Variants in SI observed in about 807,000 individuals in gnomAD.
SI encodes sucrase-isomaltase, also known as sucrase-isomaltase, intestinal.
A neutral mutation model predicts 253.3 loss-of-function variants in SI; 235 were observed. The ratio of observed to expected loss-of-function variants is 0.93; its 90% CI spans 0.83 to 1.03. SI has a LOEUF of 1.03. Ranked by LOEUF, SI falls within the 50% of genes least tolerant of loss-of-function variation. The pLI, the probability that SI is intolerant of heterozygous loss-of-function variation, is 0.00. For missense variants in SI, 2,442 were observed against 2,211.1 expected, an observed-to-expected ratio of 1.10 and a Z score of -2.09; for synonymous variants, 819 against 712.0, an observed-to-expected ratio of 1.15 and a Z score of -2.39.
intron 40 of SI, among the ~76,000 whole-genome samples, chr3:164,995,447 T>C (rs1717966278): frequency 1.3e-5 from 2 of 151,872 alleles, no homozygotes; most frequent in Non-Finnish European, 2.9e-5. Context: ...AATTCTAAAC[T>C]ATACAATTCG....
rs1717821902 is a variant in SI, at chr3:164,992,678, G to A, written c.4842-281C>T. Reference sequence around the variant, plus strand: ...AACTAAATGAGAAATTACTTTGGAAGAGAACTAATAGAGGTACAAATATTA... The same window carrying A: ...AACTAAATGAGAAATTACTTTGGAAAAGAACTAATAGAGGTACAAATATTA... On this transcript the variant is annotated intron_variant, in intron 41 of 47. Transcript: ENST00000264382. 4.6e-5 allele frequency among the ~76,000 whole-genome samples: 7 copies of A among 151,924 alleles called. No individual in the cohort carries two copies. The South Asian group carries it at 1.4e-3, about 31-fold the overall frequency.
In SI at chr3:164,986,258, A is replaced by G. The variant is rs186688031; in HGVS notation, c.5197+880T>C. Among the ~76,000 whole-genome samples the G allele has an allele frequency of 1.1e-3, 173 of 152,210 alleles. 1 individual carries two copies. In the South Asian group the frequency reaches 0.021, roughly 18 times the overall value. ...GTCTCTTGCTCCTTACTCTCTAGTGATAGAAACTAGAATTCCTTTTCCCAA... is the reference window on the plus strand; with the variant it reads ...GTCTCTTGCTCCTTACTCTCTAGTGGTAGAAACTAGAATTCCTTTTCCCAA... On this transcript the variant is annotated intron_variant, in intron 45 of 47. Transcript: ENST00000264382.
rs1410461342 is a variant in SI, at chr3:165,055,326, C to T, written c.1399-19G>A. On this transcript the variant is annotated intron_variant, in intron 12 of 47. Transcript: ENST00000264382. ...GCCATACCTAGAAGAATAGATCATTCACATATATACATAAAAAATAGAAAA... is the reference window on the plus strand; with the variant it reads ...GCCATACCTAGAAGAATAGATCATTTACATATATACATAAAAAATAGAAAA... 1 of 1,182,314 alleles carries T rather than the reference C, an allele frequency of 8.5e-7. No homozygotes were observed. The highest frequency in any genetic ancestry group is 1.7e-5 in the Admixed American group (1 of 58,226). 73.2% of individuals were successfully genotyped at this position (1,182,314 alleles called of 1,614,324 possible). A position where few individuals can be genotyped will look rare whatever the true frequency, so the allele number is the denominator to read the frequency against.
At position 165,065,316 on chromosome 3, in the gene SI, T is replaced by A. The variant is rs768888806; in HGVS notation, c.752A>T (p.His251Leu). The A allele has an allele frequency of 1.9e-6, 3 of 1,608,746 alleles. No homozygotes were observed. In the Admixed American group the frequency reaches 5.0e-5, roughly 27 times the overall value. ...TGGCCATGTTTTCCAGGATAAATCA[T>A]GACGAAATCTCTTATGAACTTGTTC... ...IGEQVHKRFR[H>L]DLSWKTWPIF... Residue 251 changes from histidine (H) to leucine (L), a missense_variant, in exon 7 of 48, where the codon CAT (histidine) becomes CTT (leucine). Coordinates refer to ENST00000264382, the MANE Select transcript of SI (RefSeq NM_001041.4).
At position 164,987,186 on chromosome 3, in the gene SI, T is replaced by C. The variant is rs143378401; in HGVS notation, c.5149A>G (p.Asn1717Asp). Residue 1717 changes from asparagine (N) to aspartate (D), a missense_variant, in exon 45 of 48, where the codon AAT (asparagine) becomes GAT (aspartate). Coordinates refer to ENST00000264382, the MANE Select transcript of SI (RefSeq NM_001041.4). Reference sequence around the variant, plus strand: ...AACAGAGAACCCTGTGCCATCTGATTATCATCTGCAGCAACAATGAGCTTC... The same window carrying C: ...AACAGAGAACCCTGTGCCATCTGATCATCATCTGCAGCAACAATGAGCTTC... Reference protein sequence around the residue: ...HMKLIVAADDNQMAQGSLFWD... With the variant: ...HMKLIVAADDDQMAQGSLFWD... 5.0e-6 allele frequency: 8 copies of C among 1,613,796 alleles called. No homozygotes were observed. Among genetic ancestry groups the C allele is most frequent in the Non-Finnish European group, 6.8e-6 (8 of 1,179,794 alleles).
intron 15 of SI, among the ~76,000 whole-genome samples, chr3:165,048,376 A>G (rs12493657): frequency 0.58 from 87,950 of 150,984 alleles, 26,005 homozygotes; most frequent in East Asian, 0.81. Context: ...AGAAAACTAC[A>G]TTTTAATTAA....
At position 164,982,223 on chromosome 3, in the gene SI, T is replaced by C. The variant is rs777037164; in HGVS notation, c.5415+20A>G. 2.2e-5 allele frequency: 35 copies of C among 1,600,648 alleles called. No homozygotes were observed. Among genetic ancestry groups the C allele is most frequent in the Non-Finnish European group, 2.6e-5 (30 of 1,169,314 alleles). On this transcript the variant is annotated intron_variant, in intron 47 of 47. Coordinates refer to ENST00000264382, the MANE Select transcript of SI (RefSeq NM_001041.4). ...TTTAAATACGTACGCTTTTGAAAAA[T>C]ATTTTCTTACATTACTTACCATGTT...
upstream of SI, among the ~76,000 whole-genome samples, chr3:165,079,328 C>A (rs1375282183): frequency 6.6e-6 from 1 of 151,576 alleles, no homozygotes; most frequent in South Asian, 2.1e-4. Flanking sequence ...CAATTTGACT[C>A]TGAAATTGTC....
At chr3:164,991,549 A>G in intron 43 of SI, 72 bp from the exon 44 acceptor site, 1 of 1,488,052 alleles carries the variant, frequency 6.7e-7, no homozygotes, top group South Asian at 1.1e-5. Flanking sequence ...GTAGTTGAGG[A>G]TATACATTTT....
chr3:165,007,769 C>A (rs1718582086), intron 36 of SI, 142 bp downstream of exon 36: 1 of 256,798 alleles, frequency 3.9e-6, no homozygotes, highest in South Asian at 1.3e-4. Flanking sequence ...CTATATATAT[C>A]AAACTGATTT....
At chr3:165,011,735 ATTAT>A (rs140270573) in intron 34 of SI, among the ~76,000 whole-genome samples, 17,904 of 147,658 alleles carry the variant, frequency 0.12, 1,126 homozygotes, top group South Asian at 0.16. Context: ...ATTATCATTT[ATTAT>A]TTATTTATTC....
chr3:165,012,952 T>C (rs371939039), intron 34 of SI, 28 bp downstream of exon 34: 28 of 1,389,804 alleles, frequency 2.0e-5, no homozygotes, highest in South Asian at 4.6e-5. Context: ...TTTCTTCTCA[T>C]TGTATAGTTA....
Position 165,019,610 on chromosome 3 carries a change from G to C in SI, c.3415C>G (p.Pro1139Ala). The change falls in exon 28 of 48, where the codon CCC (proline) becomes GCC (alanine). Residue 1139 changes from proline to alanine, a missense_variant. Physicochemically the swap from Pro to Ala is conservative, Grantham distance 27. Transcript: ENST00000264382. ...CATATGTTGGTACCTACACCAGGGG[G>C]TTGGTCTCTTGTGAACATTCCCCAA... Reference protein sequence around the residue: ...NTWGMFTRDQPPGYKLNSYGF... With the variant: ...NTWGMFTRDQAPGYKLNSYGF... 6.2e-7 allele frequency: 1 copy of C among 1,612,248 alleles called. No individual in the cohort carries two copies. The highest frequency in any genetic ancestry group is 8.5e-7 in the Non-Finnish European group (1 of 1,178,784).
chr3:165,041,784 A>G (rs1047844017), intron 17 of SI, among the ~76,000 whole-genome samples: 1 of 151,976 alleles, frequency 6.6e-6, no homozygotes, highest in African/African-American at 2.4e-5. Context: ...TTAACTGAAG[A>G]CCTCAACTAC....
intron 47 of SI, among the ~76,000 whole-genome samples, chr3:164,981,226 G>A (rs1034587492): frequency 6.6e-6 from 1 of 151,914 alleles, no homozygotes; most frequent in African/African-American, 2.4e-5. Flanking sequence ...GAAAAATAGC[G>A]AGTTGCAGTG....
At chr3:165,075,365 C>T (rs976491670) in intron 2 of SI, among the ~76,000 whole-genome samples, 12 of 151,816 alleles carry the variant, frequency 7.9e-5, no homozygotes, top group Admixed American at 2.0e-4. Flanking sequence ...TTCAGCATTC[C>T]GTATGTACCA....
chr3:165,045,780 GTT>G (rs56082194), intron 16 of SI, among the ~76,000 whole-genome samples: 85,077 of 134,518 alleles, frequency 0.63, 25,030 homozygotes, highest in East Asian at 0.82. Flanking sequence ...TTCTTAGGTT[GTT>G]TTTTTTTTTC....
intron 8 of SI, 125 bp from the exon 9 acceptor site, chr3:165,062,608 A>C (rs1322317368): frequency 6.5e-6 from 4 of 610,944 alleles, no homozygotes. Flanking sequence ...AATAATTAAG[A>C]AATAATGAAA....
chr3:165,054,552 A>G (rs1357318738), intron 13 of SI, among the ~76,000 whole-genome samples: 1 of 151,946 alleles, frequency 6.6e-6, no homozygotes, highest in Admixed American at 6.6e-5. Context: ...ACGGGGTTTC[A>G]CCATGTTGGT....
Sources: gnomAD v4.1 joint callset for allele counts (sites outside exome capture counted in the v4.1 genomes callset) on GRCh38, gnomAD v4.1.1 for gene constraint, MANE v1.5 for transcripts, NCBI Gene and HGNC (gene_info 2026-07-23, HGNC 2026-07-21) for gene names.